The following ASTN1 variants were observed in gnomAD, a reference collection of about 807,000 sequenced individuals.
ASTN1 encodes the protein astrotactin-1.
Under a neutral mutation model 140.7 loss-of-function variants are expected in ASTN1, and 41 were observed. The observed-to-expected ratio is 0.29, with a 90% CI of 0.23 to 0.38. ASTN1 has a LOEUF of 0.38. Ranked by LOEUF, ASTN1 falls within the 10% of genes least tolerant of loss-of-function variation. ASTN1 has a pLI of 1.00. For synonymous variants in ASTN1, 640 were observed against 652.2 expected, an observed-to-expected ratio of 0.98 and a Z score of 0.29; for missense variants, 1,479 against 1,678.8, an observed-to-expected ratio of 0.88 and a Z score of 2.08.
At chr1:177,083,555 G>A (rs1259791143) in intron 1 of ASTN1, among the ~76,000 whole-genome samples, 1 of 152,250 alleles carries the variant, frequency 6.6e-6, no homozygotes, top group East Asian at 1.9e-4. Flanking sequence ...TGCAGCAACT[G>A]GGGCTTTCCC....
At chr1:176,948,474 G>A (rs1043618330) in intron 12 of ASTN1, among the ~76,000 whole-genome samples, 2 of 152,126 alleles carry the variant, frequency 1.3e-5, no homozygotes, top group African/African-American at 4.8e-5. Flanking sequence ...GAAAAATCAG[G>A]GAGGGCCTGA....
At chr1:177,140,812 G>A (rs936491010) in intron 1 of ASTN1, among the ~76,000 whole-genome samples, 1 of 152,216 alleles carries the variant, frequency 6.6e-6, no homozygotes, top group Non-Finnish European at 1.5e-5. Context: ...TAAGAGCAGA[G>A]GCTTTGGGGT....
chr1:176,903,630 T>C (rs1187360094), intron 16 of ASTN1, among the ~76,000 whole-genome samples: 1 of 152,212 alleles, frequency 6.6e-6, no homozygotes, highest in Non-Finnish European at 1.5e-5. Flanking sequence ...TTCATTTGCC[T>C]CCTACACTCC....
intron 1 of ASTN1, among the ~76,000 whole-genome samples, chr1:177,122,087 A>G (rs1344749034): frequency 6.6e-6 from 1 of 152,226 alleles, no homozygotes; most frequent in Non-Finnish European, 1.5e-5. Context: ...GGGTTAAAAA[A>G]GAGATCGATG....
At chr1:177,151,257 C>T (rs962275014) in intron 1 of ASTN1, among the ~76,000 whole-genome samples, 6 of 150,212 alleles carry the variant, frequency 4.0e-5, no homozygotes, top group Non-Finnish European at 8.9e-5. Flanking sequence ...AAAAACAAAA[C>T]AAAAAAAAAT....
intron 2 of ASTN1, among the ~76,000 whole-genome samples, chr1:177,048,281 T>C (rs1677346631): frequency 6.6e-6 from 1 of 152,198 alleles, no homozygotes; most frequent in East Asian, 1.9e-4. Flanking sequence ...GTCCTTATCT[T>C]CCCCTGATTC....
chr1:176,992,454 G>A (rs923066649), intron 8 of ASTN1, among the ~76,000 whole-genome samples: 5 of 151,948 alleles, frequency 3.3e-5, no homozygotes, highest in African/African-American at 1.2e-4. Flanking sequence ...AAAAAAATGA[G>A]TTGAGAGACA....
chr1:176,903,499 G>A (rs542069336), intron 16 of ASTN1, among the ~76,000 whole-genome samples: 142 of 152,238 alleles, frequency 9.3e-4, no homozygotes, highest in African/African-American at 3.3e-3. Context: ...CCTAGCACTC[G>A]GTACTCTGCA....
At chr1:177,026,221 T>G (rs961956357) in intron 5 of ASTN1, among the ~76,000 whole-genome samples, 2 of 152,192 alleles carry the variant, frequency 1.3e-5, no homozygotes, top group East Asian at 1.9e-4. Context: ...ATGGAAATAT[T>G]CTGTGCATGT....
intron 9 of ASTN1, among the ~76,000 whole-genome samples, chr1:176,960,030 C>T (rs952339337): frequency 6.6e-6 from 1 of 152,154 alleles, no homozygotes; most frequent in Non-Finnish European, 1.5e-5. Context: ...TTCACTCACA[C>T]ACACATACAC....
intron 15 of ASTN1, 101 bp from the exon 16 acceptor site, chr1:176,934,441 T>A: frequency 8.2e-7 from 1 of 1,212,192 alleles, no homozygotes; most frequent in Non-Finnish European, 1.1e-6. Flanking sequence ...CCTGTGTGGC[T>A]CAAAGTGATG....
intron 8 of ASTN1, among the ~76,000 whole-genome samples, chr1:176,997,617 A>T (rs147312960): frequency 6.6e-6 from 1 of 152,162 alleles, no homozygotes; most frequent in African/African-American, 2.4e-5. Flanking sequence ...TAGAAATCTC[A>T]CCAGTAGCAA....
At position 176,861,122 on chromosome 1, in the gene ASTN1, A is replaced by G; in HGVS notation, c.*3162T>C. 1 of 947,400 alleles carries G rather than the reference A, an allele frequency of 1.1e-6. No homozygotes were observed. Among genetic ancestry groups the G allele is most frequent in the Non-Finnish European group, 1.3e-6 (1 of 795,342 alleles). The allele number at this position is 947,400 out of a possible 1,614,324, so 58.7% of individuals were successfully genotyped here. ...GTTAATTATTTCATCTTTTATAATC[A>G]TACAATAATTCTCTTTTAAACAACA... On this transcript the variant is annotated 3_prime_UTR_variant, in exon 23 of 23. Coordinates refer to ENST00000361833, the MANE Select transcript of ASTN1 (RefSeq NM_004319.3).
chr1:177,100,082 G>T (rs371644523), intron 1 of ASTN1, among the ~76,000 whole-genome samples: 16 of 152,012 alleles, frequency 1.1e-4, no homozygotes, highest in Admixed American at 2.0e-4. Flanking sequence ...TTATTCCTAG[G>T]CACCTAATTC....
intron 1 of ASTN1, among the ~76,000 whole-genome samples, chr1:177,102,226 A>G (rs1035902038): frequency 1.3e-5 from 2 of 152,224 alleles, no homozygotes; most frequent in African/African-American, 4.8e-5. Context: ...GAAGGGGAAT[A>G]AACTTTGTTA....
chr1:176,966,136 A>G (rs1005164365), intron 8 of ASTN1, among the ~76,000 whole-genome samples: 1 of 152,212 alleles, frequency 6.6e-6, no homozygotes, highest in Non-Finnish European at 1.5e-5. Flanking sequence ...TGCAACTTAC[A>G]GTCTCATAAT....
At chr1:177,144,901 A>G (rs892571483) in intron 1 of ASTN1, among the ~76,000 whole-genome samples, 1 of 152,210 alleles carries the variant, frequency 6.6e-6, no homozygotes, top group African/African-American at 2.4e-5. Flanking sequence ...CATCACCTCC[A>G]ACCGTAAGAA....
intron 8 of ASTN1, among the ~76,000 whole-genome samples, chr1:177,009,748 C>T (rs976641914): frequency 3.3e-5 from 5 of 152,208 alleles, no homozygotes; most frequent in African/African-American, 1.2e-4. Context: ...CTCTGATGGG[C>T]AGGACCATTC....
At chr1:177,158,692 G>C (rs1401962189) in intron 1 of ASTN1, among the ~76,000 whole-genome samples, 1 of 147,162 alleles carries the variant, frequency 6.8e-6, no homozygotes, top group Non-Finnish European at 1.5e-5. Flanking sequence ...GTGTGTGTGT[G>C]TATGATATAT....
Sources: allele counts gnomAD v4.1 joint callset (sites outside exome capture counted in the v4.1 genomes callset), GRCh38; gene constraint gnomAD v4.1.1; transcripts MANE v1.5; gene names NCBI Gene and HGNC (gene_info 2026-07-23, HGNC 2026-07-21).